XCR1: variants seen among roughly 807,000 people sequenced by gnomAD.
XCR1 encodes the protein chemokine XC receptor 1.
For missense variants in XCR1, 356 were observed against 424.2 expected (o/e 0.84, Z 1.41); for synonymous variants, 187 against 188.5 (o/e 0.99, Z 0.06).
At chr3:46,046,160 C>G (rs1697622030) in intron 5 of XCR1, among the ~76,000 whole-genome samples, 1 of 152,148 alleles carries the variant, frequency 6.6e-6, no homozygotes, top group South Asian at 2.1e-4. Flanking sequence ...GTGGTATAAC[C>G]TGCATGGACC....
At chr3:46,029,206 T>C (rs1486057535), upstream of XCR1, among the ~76,000 whole-genome samples, 1 of 152,214 alleles carries the variant, frequency 6.6e-6, no homozygotes, top group Non-Finnish European at 1.5e-5. Flanking sequence ...CAATTGATTT[T>C]TTGTTTGTTT....
At chr3:46,048,337 A>G (rs1010424105) in intron 5 of XCR1, among the ~76,000 whole-genome samples, 5 of 152,166 alleles carry the variant, frequency 3.3e-5, no homozygotes, top group African/African-American at 1.2e-4. Context: ...CGCACAGGAC[A>G]TTATGGCTAA....
intron 5 of XCR1, among the ~76,000 whole-genome samples, chr3:46,037,432 A>T (rs892888359): frequency 6.6e-6 from 1 of 152,264 alleles, no homozygotes; most frequent in South Asian, 2.1e-4. Flanking sequence ...TATAAAGAAA[A>T]GAGAAAAATA....
chr3:46,082,449 T>C (rs1698386647), intron 1 of XCR1, among the ~76,000 whole-genome samples: 1 of 150,800 alleles, frequency 6.6e-6, no homozygotes, highest in Non-Finnish European at 1.5e-5. Flanking sequence ...TTAGGATATA[T>C]GTAAACAAAT....
chr3:46,084,516 CT>C (rs2125905392), intron 1 of XCR1, among the ~76,000 whole-genome samples: 1 of 152,302 alleles, frequency 6.6e-6, no homozygotes, highest in Non-Finnish European at 1.5e-5. Flanking sequence ...GACGCCATAA[CT>C]CATATCCTCC....
At chr3:46,026,656 C>T (rs1467751849) in intron 1 of XCR1, among the ~76,000 whole-genome samples, 1 of 150,104 alleles carries the variant, frequency 6.7e-6, no homozygotes, top group Non-Finnish European at 1.5e-5. Flanking sequence ...GATCTTGGCT[C>T]ACTGCAAGCT....
chr3:46,068,684 CTGTTTCTTGT>C (rs566353867), intron 3 of XCR1, among the ~76,000 whole-genome samples: 138 of 152,188 alleles, frequency 9.1e-4, no homozygotes, highest in African/African-American at 3.3e-3. Flanking sequence ...CTTCCTTTTC[CTGTTTCTTGT>C]TTACCATGCT....
intron 1 of XCR1, chr3:46,023,887 T>C (rs1286751998): frequency 1.5e-5 from 23 of 1,511,386 alleles, no homozygotes; most frequent in Middle Eastern, 4.7e-4. Flanking sequence ...AGAAAATAAC[T>C]AAAGGCTGAA....
At chr3:46,043,637 C>G (rs189828394) in intron 5 of XCR1, among the ~76,000 whole-genome samples, 1 of 151,124 alleles carries the variant, frequency 6.6e-6, no homozygotes, top group Non-Finnish European at 1.5e-5. Flanking sequence ...GATCTCAGCA[C>G]TTTTGGAGGC....
intron 3 of XCR1, among the ~76,000 whole-genome samples, chr3:46,072,088 A>G (rs1409125227): frequency 6.6e-6 from 1 of 152,220 alleles, no homozygotes; most frequent in Non-Finnish European, 1.5e-5. Context: ...TAATAAATGA[A>G]TTCAGTAAAG....
At chr3:46,083,516 C>T (rs1698415070) in intron 1 of XCR1, among the ~76,000 whole-genome samples, 1 of 152,192 alleles carries the variant, frequency 6.6e-6, no homozygotes, top group African/African-American at 2.4e-5. Context: ...TGCTAATTAT[C>T]TGGCTGGCCA....
chr3:46,045,736 G>A lies in XCR1; in HGVS notation c.-32+8184C>T, dbSNP rs188711551. Reference sequence around the variant, plus strand: ...AAATAGCAGATGTTGGTGAGGATGTGGAGAAAAGGGAACTCCTAAACACTG... The same window carrying A: ...AAATAGCAGATGTTGGTGAGGATGTAGAGAAAAGGGAACTCCTAAACACTG... On this transcript the variant is annotated intron_variant, in intron 5 of 5. Coordinates refer to the XCR1 transcript ENST00000683768. 2.2e-4 allele frequency among the ~76,000 whole-genome samples: 33 copies of A among 152,300 alleles called. No individual in the cohort carries two copies. In the East Asian group the frequency reaches 4.4e-3, roughly 20 times the overall value.
intron 5 of XCR1, among the ~76,000 whole-genome samples, chr3:46,051,280 C>T (rs182785653): frequency 7.9e-5 from 12 of 152,254 alleles, no homozygotes; most frequent in African/African-American, 2.4e-4. Flanking sequence ...ATTTGTAAGT[C>T]TCATATCCCA....
intron 4 of XCR1, among the ~76,000 whole-genome samples, chr3:46,063,249 G>C (rs908158354): frequency 3.3e-5 from 5 of 152,166 alleles, no homozygotes; most frequent in Admixed American, 6.5e-5. Flanking sequence ...GGATGGTAAA[G>C]TATCCCTGAT....
chr3:46,082,659 T>TA (rs35864744), intron 1 of XCR1, among the ~76,000 whole-genome samples: 50,208 of 148,650 alleles, frequency 0.34, 10,342 homozygotes, highest in East Asian at 0.67. Context: ...CCCAGCTAAT[T>TA]AAAAAAAAAA....
intron 2 of XCR1, among the ~76,000 whole-genome samples, chr3:46,075,839 CATG>C (rs1698249853): frequency 6.6e-6 from 1 of 152,040 alleles, no homozygotes; most frequent in African/African-American, 2.4e-5. Context: ...AAATTAAGAC[CATG>C]ATAAGATATT....
intron 3 of XCR1, among the ~76,000 whole-genome samples, chr3:46,068,367 C>T (rs771451728): frequency 3.9e-5 from 6 of 152,088 alleles, no homozygotes; most frequent in Admixed American, 6.6e-5. Flanking sequence ...TAAGTACAGG[C>T]TTGCTTGCTT....
chr3:46,021,131 G>C lies in XCR1; in HGVS notation c.817C>G (p.Arg273Gly). 1 of 1,614,254 alleles carries C rather than the reference G, an allele frequency of 6.2e-7. No individual in the cohort carries two copies. Among genetic ancestry groups the C allele is most frequent in the Non-Finnish European group, 8.5e-7 (1 of 1,180,040 alleles). Residue 273 changes from arginine to glycine, a missense_variant, in exon 2 of 2, where the codon CGC (arginine) becomes GGC (glycine). Coordinates refer to ENST00000309285, the MANE Select transcript of XCR1 (RefSeq NM_001024644.2). This position sits in a 1 kb window ranked among gnomAD's most constrained non-coding sequence, Gnocchi z 4.7. ...QQLEYALLICRNLAFSHCCFN... is the reference protein window; with the variant it reads ...QQLEYALLICGNLAFSHCCFN... ...CAGCAGTGGGAGAAGGCGAGGTTGC[G>C]GCAGATGAGCAGGGCGTATTCTAGC...
rs528959807 is a variant in XCR1, at chr3:46,060,879, T to C, written c.-183+6020A>G. ...GTCTTCACAGGCCATTCCACTATTC[T>C]ATCAAGCCTGCTGCTTCAGGATGAT... On this transcript the variant is annotated intron_variant, in intron 4 of 5. Transcript: ENST00000683768. 6.6e-5 allele frequency among the ~76,000 whole-genome samples: 10 copies of C among 152,326 alleles called. No homozygotes were observed. The South Asian group carries it at 1.2e-3, about 19-fold the overall frequency.
Sources: allele counts gnomAD v4.1 joint callset (sites outside exome capture counted in the v4.1 genomes callset), GRCh38; gene constraint gnomAD v4.1.1; non-coding constraint Gnocchi (gnomAD v3.1); transcripts MANE v1.5; gene names NCBI Gene and HGNC (gene_info 2026-07-23, HGNC 2026-07-21).